Variants in SGCZ observed in about 807,000 individuals in gnomAD.
SGCZ encodes zeta-sarcoglycan.
SGCZ carries 40 observed loss-of-function variants against 41.3 expected under a neutral mutation model. That is an observed-to-expected ratio of 0.97 (90% CI 0.75 to 1.26). The LOEUF (loss-of-function observed/expected upper bound fraction) is 1.26. SGCZ is among the 50% of genes most tolerant of loss of function. The probability of loss-of-function intolerance (pLI) is 0.00; values close to 1 mark genes in which losing one functional copy is unlikely to be tolerated. For synonymous variants in SGCZ, 206 were observed against 137.5 expected, an observed-to-expected ratio of 1.50 and a Z score of -3.49; for missense variants, 552 against 369.8, an observed-to-expected ratio of 1.49 and a Z score of -4.04.
chr8:15,041,152 A>C (rs1465674860), intron 1 of SGCZ, among the ~76,000 whole-genome samples: 1 of 149,794 alleles, frequency 6.7e-6, no homozygotes, highest in African/African-American at 2.5e-5. Flanking sequence ...ATAGTCATTT[A>C]TTTTTTTTAT....
chr8:15,105,290 C>G (rs1021773576), intron 1 of SGCZ, among the ~76,000 whole-genome samples: 2 of 152,130 alleles, frequency 1.3e-5, no homozygotes, highest in Admixed American at 6.6e-5. Context: ...TGATTATTCC[C>G]CCTACAGATG....
intron 2 of SGCZ, among the ~76,000 whole-genome samples, chr8:14,462,083 C>T (rs1261956786): frequency 2.0e-5 from 3 of 151,960 alleles, no homozygotes; most frequent in Admixed American, 1.3e-4. Flanking sequence ...CTTAAAATAT[C>T]ATTCTATATT....
intron 1 of SGCZ, among the ~76,000 whole-genome samples, chr8:14,862,099 G>C (rs1467390644): frequency 6.6e-6 from 1 of 152,102 alleles, no homozygotes; most frequent in Non-Finnish European, 1.5e-5. Flanking sequence ...CCTATCACTA[G>C]TGACGACATT....
chr8:14,549,878 C>T (rs1390825515), intron 2 of SGCZ, among the ~76,000 whole-genome samples: 2 of 151,794 alleles, frequency 1.3e-5, no homozygotes, highest in African/African-American at 2.4e-5. Flanking sequence ...TAGGAGGTAA[C>T]AAGTTAGTTT....
chr8:14,894,745 TC>T (rs1394203637), intron 1 of SGCZ, among the ~76,000 whole-genome samples: 3 of 151,688 alleles, frequency 2.0e-5, no homozygotes, highest in African/African-American at 7.2e-5. Flanking sequence ...ATGTCGGTCT[TC>T]TTTTTGTTAT....
At chr8:14,376,142 T>C (rs1279585241) in intron 2 of SGCZ, among the ~76,000 whole-genome samples, 2 of 151,900 alleles carry the variant, frequency 1.3e-5, no homozygotes, top group African/African-American at 2.4e-5. Flanking sequence ...TGAAACTCCA[T>C]CTCTACTAAA....
At chr8:14,563,113 C>T (rs146758699) in intron 1 of SGCZ, among the ~76,000 whole-genome samples, 179 of 152,256 alleles carry the variant, frequency 1.2e-3, no homozygotes, top group African/African-American at 3.7e-3. Flanking sequence ...AGTCTGGCTC[C>T]GGGACAAGTG....
At chr8:15,234,440 G>A (rs997876516) in intron 1 of SGCZ, among the ~76,000 whole-genome samples, 5 of 152,158 alleles carry the variant, frequency 3.3e-5, no homozygotes, top group African/African-American at 1.2e-4. Flanking sequence ...GAGAAACAGA[G>A]ATCAAAGGGA....
intron 1 of SGCZ, among the ~76,000 whole-genome samples, chr8:14,927,177 C>G (rs1283227963): frequency 7.1e-6 from 1 of 140,614 alleles, no homozygotes; most frequent in African/African-American, 2.7e-5. Context: ...GGCGCGATCT[C>G]GGCTCACTGC....
At chr8:14,803,425 G>A (rs1464750407) in intron 1 of SGCZ, among the ~76,000 whole-genome samples, 2 of 152,272 alleles carry the variant, frequency 1.3e-5, no homozygotes, top group African/African-American at 2.4e-5. Context: ...GGAATCGCAA[G>A]GGGTCAGGGA....
chr8:15,064,935 T>C lies in SGCZ; in HGVS notation c.39+172650A>G, dbSNP rs147434418. Among the ~76,000 whole-genome samples the C allele has an allele frequency of 6.0e-3, 910 of 152,296 alleles. 7 individuals are homozygous for C. The highest frequency in any genetic ancestry group is 6.6e-3 in the Non-Finnish European group (451 of 68,032). ...CATTACTATGTCTACTTGACATCAGTTGCGGTTTACACCATCTTCATTTTT... is the reference window on the plus strand; with the variant it reads ...CATTACTATGTCTACTTGACATCAGCTGCGGTTTACACCATCTTCATTTTT... On this transcript the variant is annotated intron_variant, in intron 1 of 7. Coordinates refer to ENST00000382080, the MANE Select transcript of SGCZ (RefSeq NM_139167.4).
At chr8:15,176,798 G>A (rs1019656895) in intron 1 of SGCZ, among the ~76,000 whole-genome samples, 15 of 152,122 alleles carry the variant, frequency 9.9e-5, no homozygotes, top group African/African-American at 2.4e-4. Flanking sequence ...TCAGGAGATC[G>A]AGACCATCCT....
At chr8:15,019,275 G>T (rs1425059735) in intron 1 of SGCZ, among the ~76,000 whole-genome samples, 1 of 152,170 alleles carries the variant, frequency 6.6e-6, no homozygotes, top group East Asian at 1.9e-4. Context: ...TTTTCCAGGT[G>T]CAGAGAAATG....
chr8:14,859,814 A>G (rs1403569916), intron 1 of SGCZ, among the ~76,000 whole-genome samples: 1 of 152,188 alleles, frequency 6.6e-6, no homozygotes, highest in African/African-American at 2.4e-5. Flanking sequence ...AAGCTCCACA[A>G]AAAGAGATAC....
intron 2 of SGCZ, among the ~76,000 whole-genome samples, chr8:14,425,334 A>G (rs551774312): frequency 2.6e-5 from 4 of 152,220 alleles, no homozygotes; most frequent in African/African-American, 9.6e-5. Context: ...CAAAAAGTAC[A>G]TCTTGGATGG....
intron 1 of SGCZ, among the ~76,000 whole-genome samples, chr8:14,865,037 G>A (rs1032547618): frequency 1.3e-5 from 2 of 151,712 alleles, no homozygotes; most frequent in African/African-American, 4.8e-5. Context: ...TGCATATTCT[G>A]GATTAATCCT....
intron 1 of SGCZ, among the ~76,000 whole-genome samples, chr8:14,910,424 T>A (rs986848115): frequency 6.6e-6 from 1 of 152,082 alleles, no homozygotes; most frequent in African/African-American, 2.4e-5. Context: ...AAACTTATTT[T>A]TAGTAAATTT....
At chr8:15,124,500 C>T (rs1189411003) in intron 1 of SGCZ, among the ~76,000 whole-genome samples, 2 of 152,108 alleles carry the variant, frequency 1.3e-5, no homozygotes, top group Non-Finnish European at 2.9e-5. Context: ...GCTATTCCAG[C>T]CATGAACAGT....
chr8:14,702,970 TA>T (rs1809216341), intron 1 of SGCZ, among the ~76,000 whole-genome samples: 1 of 129,122 alleles, frequency 7.7e-6, no homozygotes, highest in Non-Finnish European at 1.7e-5. Context: ...GATAGATAGA[TA>T]GACAGACAGA....
Sources: gnomAD v4.1 joint callset for allele counts (sites outside exome capture counted in the v4.1 genomes callset) on GRCh38, gnomAD v4.1.1 for gene constraint, MANE v1.5 for transcripts, NCBI Gene and HGNC (gene_info 2026-07-23, HGNC 2026-07-21) for gene names.